Variants in GPC5 observed in about 807,000 individuals in gnomAD.
GPC5 encodes glypican-5.
A neutral mutation model predicts 53.9 loss-of-function variants in GPC5; 47 were observed. The observed-to-expected ratio is 0.87, with a 90% CI of 0.69 to 1.11. The LOEUF is 1.11. Among genes scored for constraint, GPC5 ranks in the 50% most tolerant of loss-of-function variants. The probability of loss-of-function intolerance (pLI) is 0.00; values close to 1 mark genes in which losing one functional copy is unlikely to be tolerated. For missense variants in GPC5, 748 were observed against 713.1 expected, an observed-to-expected ratio of 1.05 and a Z score of -0.56; for synonymous variants, 286 against 263.3, an observed-to-expected ratio of 1.09 and a Z score of -0.84.
At chr13:92,482,130 TA>T (rs202079933) in intron 7 of GPC5, among the ~76,000 whole-genome samples, 14,433 of 146,258 alleles carry the variant, frequency 0.099, 889 homozygotes, top group African/African-American at 0.17. Flanking sequence ...AAACTCTGCC[TA>T]AAAAAAAAAA....
chr13:91,981,573 G>A (rs2040359857), intron 6 of GPC5, among the ~76,000 whole-genome samples: 1 of 152,194 alleles, frequency 6.6e-6, no homozygotes, highest in South Asian at 2.1e-4. Context: ...ACAGGCGTGA[G>A]CCACCGCGCC....
At chr13:92,264,792 C>T (rs556609057) in intron 7 of GPC5, among the ~76,000 whole-genome samples, 1 of 151,452 alleles carries the variant, frequency 6.6e-6, no homozygotes, top group South Asian at 2.1e-4. Flanking sequence ...GCTTTATGCT[C>T]TGTAGGATTT....
intron 7 of GPC5, among the ~76,000 whole-genome samples, chr13:92,698,413 A>G (rs371816222): frequency 6.6e-6 from 1 of 151,488 alleles, no homozygotes; most frequent in African/African-American, 2.4e-5. Context: ...GAGAACATGC[A>G]GTGTTTGGTT....
chr13:92,225,762 G>A (rs538137376), intron 7 of GPC5, among the ~76,000 whole-genome samples: 12 of 151,682 alleles, frequency 7.9e-5, no homozygotes, highest in Admixed American at 2.0e-4. Flanking sequence ...AAAAAAAAAT[G>A]CCCTTTATAA....
chr13:91,570,883 A>C lies in GPC5; in HGVS notation c.325+121961A>C, dbSNP rs1224624285. On this transcript the variant is annotated intron_variant, in intron 2 of 7. Coordinates refer to ENST00000377067, the MANE Select transcript of GPC5 (RefSeq NM_004466.6). ...GAATTTTGGGAAAGTCAAGTTTCTT[A>C]GTCAAATTGTCTTAATTAGAAAAGT... 3.3e-5 allele frequency among the ~76,000 whole-genome samples: 5 copies of C among 152,172 alleles called. No homozygotes were observed. In the East Asian group the frequency reaches 9.6e-4, roughly 29 times the overall value.
intron 6 of GPC5, among the ~76,000 whole-genome samples, chr13:92,080,998 TTTTAACATAC>T (rs1289395350): frequency 1.3e-5 from 2 of 152,236 alleles, no homozygotes; most frequent in East Asian, 3.8e-4. Context: ...TGAGCACTTA[TTTTAACATAC>T]TTTTGAATTG....
At chr13:91,489,633 T>A (rs1432158292) in intron 2 of GPC5, among the ~76,000 whole-genome samples, 1 of 152,206 alleles carries the variant, frequency 6.6e-6, no homozygotes, top group Non-Finnish European at 1.5e-5. Flanking sequence ...TTTCTTTGTT[T>A]ATTCCAAATA....
rs181906508 is a variant in GPC5, at chr13:92,561,158, A to G, written c.1562-305124A>G. 8.4e-4 allele frequency among the ~76,000 whole-genome samples: 128 copies of G among 152,076 alleles called. 3 individuals carry two copies. Among genetic ancestry groups the G allele is most frequent in the African/African-American group, 2.8e-3 (118 of 41,522 alleles). On this transcript the variant is annotated intron_variant, in intron 7 of 7. Transcript: ENST00000377067. The stretch of plus-strand genomic sequence containing the variant: ...CGGTGAAGTAATAGTGTAACATAAT[A>G]TGCACAGTCTACTGTATTTTTCAAC...
intron 6 of GPC5, among the ~76,000 whole-genome samples, chr13:92,067,184 G>C (rs7990662): frequency 6.6e-6 from 1 of 151,840 alleles, no homozygotes; most frequent in Non-Finnish European, 1.5e-5. Context: ...TATTTGCTCC[G>C]TTTCCACACC....
At chr13:92,734,072 C>A (rs1297829526) in intron 7 of GPC5, among the ~76,000 whole-genome samples, 2 of 151,802 alleles carry the variant, frequency 1.3e-5, no homozygotes, top group African/African-American at 4.8e-5. Context: ...TAAATCTCTA[C>A]TCAGATTTTT....
intron 2 of GPC5, among the ~76,000 whole-genome samples, chr13:91,517,709 A>G (rs1405634082): frequency 2.6e-5 from 4 of 152,176 alleles, no homozygotes; most frequent in African/African-American, 9.7e-5. Context: ...GCTCATTAAG[A>G]CATACCTGAG....
At chr13:91,882,670 G>GTTTTTTTTTTTTTTTTTTTTTTTT in intron 5 of GPC5, among the ~76,000 whole-genome samples, 2 of 59,320 alleles carry the variant, frequency 3.4e-5, no homozygotes, top group Non-Finnish European at 6.1e-5. Context: ...TGTTTTTTGG[G>GTTTTTTTTTTTTTTTTTTTTTTTT]TTTTTTTTTT....
intron 7 of GPC5, among the ~76,000 whole-genome samples, chr13:92,714,189 T>A (rs1483873386): frequency 6.6e-6 from 1 of 152,168 alleles, no homozygotes; most frequent in Non-Finnish European, 1.5e-5. Flanking sequence ...TATAGGAACT[T>A]CCTGTGTTAT....
At chr13:92,802,934 G>A (rs1465729650) in intron 7 of GPC5, among the ~76,000 whole-genome samples, 4 of 151,896 alleles carry the variant, frequency 2.6e-5, no homozygotes, top group African/African-American at 9.7e-5. Flanking sequence ...TCATGTCCAC[G>A]TGACAAATGG....
chr13:92,106,595 A>G (rs1594765625), intron 6 of GPC5, among the ~76,000 whole-genome samples: 1 of 152,248 alleles, frequency 6.6e-6, no homozygotes, highest in African/African-American at 2.4e-5. Context: ...ACAATGGAAG[A>G]GTTAACAAGG....
intron 7 of GPC5, among the ~76,000 whole-genome samples, chr13:92,641,271 C>G (rs1885586256): frequency 6.6e-6 from 1 of 152,054 alleles, no homozygotes; most frequent in African/African-American, 2.4e-5. Context: ...CCGAGAAGGA[C>G]ACCACATCAC....
rs569727371 is a variant in GPC5 at position 92,209,133 on chromosome 13, A to G, written c.1561+64144A>G. 4.6e-5 allele frequency among the ~76,000 whole-genome samples: 7 copies of G among 152,246 alleles called. No homozygotes were observed. The South Asian group carries it at 1.2e-3, about 27-fold the overall frequency. The stretch of plus-strand genomic sequence containing the variant: ...CTTTTACCTGTTATACATAATTTAT[A>G]TTACAACTTCCAATTAAACTTCATA... On this transcript the variant is annotated intron_variant, in intron 7 of 7. Coordinates refer to ENST00000377067, the MANE Select transcript of GPC5 (RefSeq NM_004466.6).
intron 7 of GPC5, among the ~76,000 whole-genome samples, chr13:92,704,536 T>G (rs1887876091): frequency 6.6e-6 from 1 of 151,988 alleles, no homozygotes; most frequent in Non-Finnish European, 1.5e-5. Flanking sequence ...ATACGGGATT[T>G]CAAAATTCAT....
At chr13:92,464,267 T>C (rs1239253373) in intron 7 of GPC5, among the ~76,000 whole-genome samples, 1 of 152,178 alleles carries the variant, frequency 6.6e-6, no homozygotes, top group Non-Finnish European at 1.5e-5. Context: ...ATACATATGA[T>C]ATGAGGTGAA....
Sources: gnomAD v4.1 joint callset for allele counts (sites outside exome capture counted in the v4.1 genomes callset) on GRCh38, gnomAD v4.1.1 for gene constraint, MANE v1.5 for transcripts, NCBI Gene and HGNC (gene_info 2026-07-23, HGNC 2026-07-21) for gene names.